Variants in MACROD2 observed in about 807,000 individuals in gnomAD.
MACROD2 encodes the protein ADP-ribose glycohydrolase MACROD2.
A neutral mutation model predicts 70.4 loss-of-function variants in MACROD2; 36 were observed. The ratio of observed to expected loss-of-function variants is 0.51; its 90% CI spans 0.39 to 0.68. The LOEUF (loss-of-function observed/expected upper bound fraction) is 0.68. Ranked by LOEUF, MACROD2 falls within the 30% of genes least tolerant of loss-of-function variation. MACROD2 has a pLI of 0.00. For synonymous variants in MACROD2, 172 were observed against 178.8 expected (o/e 0.96, Z 0.30); for missense variants, 496 against 538.4 (o/e 0.92, Z 0.78).
chr20:15,191,881 C>A (rs78673769), intron 5 of MACROD2, among the ~76,000 whole-genome samples: 1 of 148,426 alleles, frequency 6.7e-6, no homozygotes, highest in Non-Finnish European at 1.5e-5. Context: ...TAACAACAAC[C>A]AAATCATCAA....
chr20:15,889,466 A>G (rs909510019), intron 10 of MACROD2, among the ~76,000 whole-genome samples: 2 of 152,134 alleles, frequency 1.3e-5, no homozygotes, highest in African/African-American at 4.8e-5. Context: ...CCTGACCCCA[A>G]AATTCATGTC....
At chr20:14,778,313 A>G (rs748843061) in intron 5 of MACROD2, among the ~76,000 whole-genome samples, 26 of 152,124 alleles carry the variant, frequency 1.7e-4, no homozygotes, top group Admixed American at 3.9e-4. Flanking sequence ...CGGTAGGAGC[A>G]GCTGAATGCC....
chr20:13,998,639 A>G (rs2052693277), intron 1 of MACROD2, among the ~76,000 whole-genome samples: 1 of 152,002 alleles, frequency 6.6e-6, no homozygotes, highest in Non-Finnish European at 1.5e-5. Context: ...CCCCATACTA[A>G]AGAGATGACA....
chr20:14,555,880 A>G (rs1018234741), intron 4 of MACROD2, among the ~76,000 whole-genome samples: 3 of 152,024 alleles, frequency 2.0e-5, no homozygotes, highest in African/African-American at 7.2e-5. Flanking sequence ...AGCTGCTGCA[A>G]TTAGTTTTGC....
chr20:14,899,533 G>T (rs895048628), intron 5 of MACROD2, among the ~76,000 whole-genome samples: 13 of 152,100 alleles, frequency 8.5e-5, no homozygotes, highest in African/African-American at 3.1e-4. Context: ...TCACATGGGG[G>T]TCTCTTTGTA....
rs143894353 is a variant in MACROD2 at position 14,316,368 on chromosome 20, T to C, written c.272-177111T>C. ...GAGATTTAATCCTGAAAATGCTTTC[T>C]AGTTATCTCAGTAAAAGGAAATAAT... On this transcript the variant is annotated intron_variant, in intron 3 of 17. Coordinates refer to ENST00000684519, the MANE Select transcript of MACROD2 (RefSeq NM_001351661.2). 2.6e-5 allele frequency among the ~76,000 whole-genome samples: 4 copies of C among 152,322 alleles called. No homozygotes were observed. The East Asian group carries it at 5.8e-4, about 22-fold the overall frequency.
intron 3 of MACROD2, among the ~76,000 whole-genome samples, chr20:14,291,846 T>C (rs991578600): frequency 6.6e-6 from 1 of 151,888 alleles, no homozygotes; most frequent in African/African-American, 2.4e-5. Context: ...TCCTTACCTA[T>C]TACGTATCTT....
At chr20:14,051,518 C>G (rs1213454138) in intron 2 of MACROD2, among the ~76,000 whole-genome samples, 1 of 152,088 alleles carries the variant, frequency 6.6e-6, no homozygotes, top group Non-Finnish European at 1.5e-5. Context: ...GAGGGTGTGA[C>G]TGATAATTTC....
Position 15,188,610 on chromosome 20 carries a change from A to T in MACROD2, c.419-41330A>T, listed in dbSNP as rs144651874. Among the ~76,000 whole-genome samples the T allele has an allele frequency of 2.2e-4, 33 of 152,342 alleles. No homozygotes were observed. In the East Asian group the frequency reaches 4.2e-3, roughly 20 times the overall value. ...TCTCATTGTAAGCCCAGGTCATAAG[A>T]TGATGCCTCAAGTGCATTGCGAAAC... On this transcript the variant is annotated intron_variant, in intron 5 of 17. Coordinates refer to ENST00000684519, the MANE Select transcript of MACROD2 (RefSeq NM_001351661.2).
At chr20:14,464,259 T>C (rs1379489081) in intron 3 of MACROD2, among the ~76,000 whole-genome samples, 1 of 152,084 alleles carries the variant, frequency 6.6e-6, no homozygotes, top group African/African-American at 2.4e-5. Flanking sequence ...TGGTTTAGTC[T>C]TGGGAGGGTG....
chr20:15,005,598 C>T (rs1307318418), intron 5 of MACROD2, among the ~76,000 whole-genome samples: 1 of 152,174 alleles, frequency 6.6e-6, no homozygotes, highest in African/African-American at 2.4e-5. Context: ...AATAGAAGCT[C>T]ATCTCCTTTA....
At chr20:15,876,109 A>ATATATGTATGTATG (rs57817982) in intron 9 of MACROD2, among the ~76,000 whole-genome samples, 6 of 124,466 alleles carry the variant, frequency 4.8e-5, no homozygotes, top group East Asian at 2.9e-4. Context: ...ATATATATAT[A>ATATATGTATGTATG]TATGTGTGTA....
intron 3 of MACROD2, among the ~76,000 whole-genome samples, chr20:14,320,454 A>C (rs6105247): frequency 6.6e-6 from 1 of 151,810 alleles, no homozygotes; most frequent in Non-Finnish European, 1.5e-5. Context: ...AAGTGCACTG[A>C]TCATTTATAT....
intron 5 of MACROD2, among the ~76,000 whole-genome samples, chr20:14,837,515 G>A (rs77290690): frequency 0.018 from 2,670 of 152,056 alleles, 70 homozygotes; most frequent in African/African-American, 0.06. Context: ...CAGTAATTGC[G>A]TTTCTTTGTA....
chr20:14,711,406 T>C (rs376599780), intron 5 of MACROD2, among the ~76,000 whole-genome samples: 1 of 152,194 alleles, frequency 6.6e-6, no homozygotes, highest in East Asian at 1.9e-4. Context: ...CTGTATCATA[T>C]AGGTTTTCCG....
chr20:14,036,014 T>C (rs1324632340), intron 2 of MACROD2, among the ~76,000 whole-genome samples: 3 of 151,950 alleles, frequency 2.0e-5, no homozygotes, highest in African/African-American at 4.8e-5. Context: ...TGGTGGCGGG[T>C]GCCTGTAGTC....
intron 8 of MACROD2, among the ~76,000 whole-genome samples, chr20:15,566,025 A>G (rs1376711210): frequency 6.6e-6 from 1 of 152,204 alleles, no homozygotes; most frequent in Non-Finnish European, 1.5e-5. Flanking sequence ...AGCTTCTTTC[A>G]GCACTACAGT....
chr20:14,201,684 A>T (rs763685088), intron 3 of MACROD2, among the ~76,000 whole-genome samples: 14 of 151,910 alleles, frequency 9.2e-5, no homozygotes, highest in Non-Finnish European at 1.3e-4. Context: ...TACTAAAAAT[A>T]CAAAAATTAG....
At chr20:15,606,152 G>A (rs1416682377) in intron 8 of MACROD2, among the ~76,000 whole-genome samples, 1 of 152,074 alleles carries the variant, frequency 6.6e-6, no homozygotes, top group Non-Finnish European at 1.5e-5. Flanking sequence ...TTCTCCGCCT[G>A]TGTGAGCCAT....
Sources: allele counts gnomAD v4.1 joint callset (sites outside exome capture counted in the v4.1 genomes callset), GRCh38; gene constraint gnomAD v4.1.1; transcripts MANE v1.5; gene names NCBI Gene and HGNC (gene_info 2026-07-23, HGNC 2026-07-21).